RTL9: variants seen among roughly 807,000 people sequenced by gnomAD.
The protein encoded by RTL9 is retrotransposon Gag-like protein 9.
RTL9 carries 19 observed loss-of-function variants against 44.7 expected under a neutral mutation model. That is an observed-to-expected ratio of 0.42 (90% CI 0.30 to 0.62). The LOEUF is 0.62. Among genes scored for constraint, RTL9 ranks in the 20% least tolerant of loss-of-function variants. The probability of loss-of-function intolerance (pLI) is 0.16; values close to 1 mark genes in which losing one functional copy is unlikely to be tolerated. For missense variants in RTL9, 1,105 were observed against 1,080.6 expected (o/e 1.02, Z -0.32); for synonymous variants, 407 against 398.9 (o/e 1.02, Z -0.24).
At chrX:110,387,124 A>G (rs2068461320) in intron 1 of RTL9, among the ~76,000 whole-genome samples, 1 of 111,894 alleles carries the variant, frequency 8.9e-6, no homozygotes, top group East Asian at 2.8e-4. Flanking sequence ...AATACTAAAC[A>G]AAGACTTGGA....
At chrX:110,408,916 T>C (rs892410252) in intron 1 of RTL9, among the ~76,000 whole-genome samples, 8 of 111,996 alleles carry the variant, frequency 7.1e-5, no homozygotes, top group Non-Finnish European at 1.1e-4. Context: ...AGGTAGGTTA[T>C]AGTACCTAGA....
At chrX:110,394,013 G>A in intron 1 of RTL9, among the ~76,000 whole-genome samples, 1 of 112,676 alleles carries the variant, frequency 8.9e-6, no homozygotes, top group East Asian at 2.8e-4. Flanking sequence ...TTCTGGAACT[G>A]CTGGGTGGCA....
chrX:110,437,459 T>C (rs2068847339), intron 1 of RTL9, among the ~76,000 whole-genome samples: 1 of 112,070 alleles, frequency 8.9e-6, no homozygotes, highest in African/African-American at 3.2e-5. Context: ...GTTATACCAC[T>C]TGCCCAAGGC....
chrX:110,450,272 C>T (rs906222452), upstream of RTL9, among the ~76,000 whole-genome samples: 2 of 111,545 alleles, frequency 1.8e-5, no homozygotes, highest in East Asian at 2.8e-4. Context: ...GAAGGTGGTG[C>T]TGCTGCTTTA....
chrX:110,394,854 C>T (rs1243817672), intron 1 of RTL9, among the ~76,000 whole-genome samples: 1 of 112,858 alleles, frequency 8.9e-6, no homozygotes, highest in Non-Finnish European at 1.9e-5. Flanking sequence ...GAAGAGGAGG[C>T]CATCCCTCTA....
chrX:110,363,389 T>C (rs1444245482), intron 1 of RTL9, among the ~76,000 whole-genome samples: 1 of 111,552 alleles, frequency 9.0e-6, no homozygotes, highest in East Asian at 2.8e-4. Flanking sequence ...ACAAAAGAAA[T>C]TGCCCACTGT....
intron 1 of RTL9, among the ~76,000 whole-genome samples, chrX:110,440,981 A>T (rs763061016): frequency 4.5e-5 from 5 of 111,782 alleles, no homozygotes; most frequent in Non-Finnish European, 5.6e-5. Context: ...TCCTTTCATC[A>T]GGTATGTCAA....
chrX:110,392,540 C>T (rs2068502089), intron 1 of RTL9, among the ~76,000 whole-genome samples: 1 of 112,005 alleles, frequency 8.9e-6, no homozygotes, highest in Admixed American at 9.5e-5. Flanking sequence ...ACTTCGGCCT[C>T]CCAAAGGACT....
At chrX:110,453,245 G>T (rs202136950) in exon 1 of RTL9, 22 of 1,209,861 alleles carry the variant, frequency 1.8e-5, no homozygotes, top group Admixed American at 2.2e-5. Context: ...CATCACAAAT[G>T]ATGCCCACAG....
At chrX:110,415,189 A>G (rs1024148994), upstream of RTL9, among the ~76,000 whole-genome samples, 4 of 112,083 alleles carry the variant, frequency 3.6e-5, no homozygotes, top group Non-Finnish European at 1.9e-5. Context: ...GGTTAAATCT[A>G]TGTTTGTTGA....
chrX:110,372,128 C>G (rs963984497), intron 1 of RTL9, among the ~76,000 whole-genome samples: 1 of 111,733 alleles, frequency 8.9e-6, no homozygotes, highest in African/African-American at 3.2e-5. Flanking sequence ...TTGCAACACT[C>G]TGTGTTTAGA....
intron 1 of RTL9, among the ~76,000 whole-genome samples, chrX:110,411,273 G>C (rs978292628): frequency 1.8e-5 from 2 of 111,803 alleles, no homozygotes; most frequent in Non-Finnish European, 3.8e-5. Flanking sequence ...TCAAGATCTG[G>C]GAAGAGTTTG....
intron 1 of RTL9, among the ~76,000 whole-genome samples, chrX:110,379,205 T>C (rs1483604946): frequency 8.9e-6 from 1 of 112,456 alleles, no homozygotes; most frequent in East Asian, 2.8e-4. Context: ...ATTTCTATTA[T>C]AGCTTTCAAG....
intron 1 of RTL9, among the ~76,000 whole-genome samples, chrX:110,405,814 C>T (rs890648891): frequency 3.2e-4 from 36 of 111,751 alleles, no homozygotes; most frequent in African/African-American, 9.1e-4. Context: ...AGAACTTAAA[C>T]GCAGATCCAC....
At chrX:110,443,394 A>G (rs768311982) in intron 1 of RTL9, among the ~76,000 whole-genome samples, 5 of 111,648 alleles carry the variant, frequency 4.5e-5, no homozygotes, top group Admixed American at 9.5e-5. Context: ...TCTGTGTTTT[A>G]GCAGTTTTCC....
chrX:110,455,366 C>G, exon 2 of RTL9: 1 of 1,194,556 alleles, frequency 8.4e-7, no homozygotes, highest in East Asian at 3.0e-5. Context: ...CGACCGCTAA[C>G]TGGAGGACTG....
intron 1 of RTL9, among the ~76,000 whole-genome samples, chrX:110,428,016 A>G (rs2068766944): frequency 1.8e-5 from 2 of 112,027 alleles, no homozygotes; most frequent in South Asian, 7.5e-4. Context: ...GTACTCCCAC[A>G]GCGTCCACAA....
upstream of RTL9, among the ~76,000 whole-genome samples, chrX:110,414,632 A>C (rs1399327011): frequency 8.8e-6 from 1 of 113,001 alleles, no homozygotes; most frequent in Non-Finnish European, 1.9e-5. Flanking sequence ...AAGCCATCTC[A>C]TTCGTTTAGA....
At chrX:110,388,829 T>A (rs2068475571) in intron 1 of RTL9, among the ~76,000 whole-genome samples, 1 of 111,877 alleles carries the variant, frequency 8.9e-6, no homozygotes, top group African/African-American at 3.3e-5. Context: ...ATTAGAGAAA[T>A]CTGAGCACAG....
Sources: gnomAD v4.1 joint callset for allele counts (sites outside exome capture counted in the v4.1 genomes callset) on GRCh38, gnomAD v4.1.1 for gene constraint, MANE v1.5 for transcripts, NCBI Gene and HGNC (gene_info 2026-07-23, HGNC 2026-07-21) for gene names.